MAP2K6: variants seen among roughly 807,000 people sequenced by gnomAD.
MAP2K6 encodes the protein dual specificity mitogen-activated protein kinase kinase 6.
MAP2K6 carries 16 observed loss-of-function variants against 53.7 expected under a neutral mutation model. That is an observed-to-expected ratio of 0.30 (90% CI 0.20 to 0.45). The LOEUF is 0.45. Ranked by LOEUF, MAP2K6 falls within the 20% of genes least tolerant of loss-of-function variation. MAP2K6 has a pLI of 1.00. For missense variants in MAP2K6, 204 were observed against 411.9 expected (o/e 0.50, Z 4.37); for synonymous variants, 132 against 143.1 (o/e 0.92, Z 0.55).
At chr17:69,483,176 A>G (rs939552795) in intron 1 of MAP2K6, among the ~76,000 whole-genome samples, 3 of 152,032 alleles carry the variant, frequency 2.0e-5, no homozygotes, top group Non-Finnish European at 2.9e-5. Context: ...GATAACACAA[A>G]CAGATCTCTG....
intron 1 of MAP2K6, among the ~76,000 whole-genome samples, chr17:69,500,030 C>A (rs921891260): frequency 2.0e-5 from 3 of 152,128 alleles, no homozygotes; most frequent in Non-Finnish European, 4.4e-5. Context: ...AGGTTGAGTT[C>A]TTGTCTGCAA....
At chr17:69,451,895 C>T (rs1236220412) in intron 1 of MAP2K6, among the ~76,000 whole-genome samples, 1 of 152,074 alleles carries the variant, frequency 6.6e-6, no homozygotes, top group African/African-American at 2.4e-5. Context: ...TGGTGGTGCA[C>T]TCCAGCATGC....
chr17:69,552,949 T>A lies in MAP2K6; in HGVS notation c.*11196T>A, dbSNP rs1203210448. The A allele has an allele frequency of 6.6e-6, 1 of 152,204 alleles. No individual in the cohort carries two copies. Among genetic ancestry groups the A allele is most frequent in the Non-Finnish European group, 1.5e-5 (1 of 68,028 alleles). 9.4% of individuals were successfully genotyped at this position (152,204 alleles called of 1,614,324 possible). Reference sequence around the variant, plus strand: ...CAGTATGCAGGACTTGCAGTAGATATAAGCATTGGTGTTAACATAGGTTAA... The same window carrying A: ...CAGTATGCAGGACTTGCAGTAGATAAAAGCATTGGTGTTAACATAGGTTAA... On this transcript the variant is annotated 3_prime_UTR_variant, in exon 12 of 12. Transcript: ENST00000590474.
In MAP2K6 at chr17:69,414,705, GT is replaced by G; in HGVS notation, c.-277del. The G allele has an allele frequency of 5.0e-6, 2 of 397,388 alleles. No homozygotes were observed. Among genetic ancestry groups the G allele is most frequent in the Non-Finnish European group, 9.2e-6 (2 of 218,052 alleles). The allele number at this position is 397,388 out of a possible 1,614,324, so 24.6% of individuals were successfully genotyped here. On this transcript the variant is annotated 5_prime_UTR_variant, in exon 1 of 12. Coordinates refer to ENST00000590474, the MANE Select transcript of MAP2K6 (RefSeq NM_002758.4). The stretch of plus-strand genomic sequence containing the variant: ...TGCGCACTAAGATACTCAGTTCCAA[GT>G]TTGGAGCTTTTAGCTGCCAGCCCTG...
rs1243317519 is a variant in MAP2K6 at position 69,542,000 on chromosome 17, T to A, written c.*247T>A. 1 of 253,942 alleles carries A rather than the reference T, an allele frequency of 3.9e-6. No homozygotes were observed. The highest frequency in any genetic ancestry group is 2.2e-5 in the African/African-American group (1 of 44,538). 15.7% of individuals were successfully genotyped at this position (253,942 alleles called of 1,614,324 possible). On this transcript the variant is annotated 3_prime_UTR_variant, in exon 12 of 12. Transcript: ENST00000590474. ...AGGACTTCAAAAGGTGATTAAATAT[T>A]TAATGATGTGTCATATGAGTCCTCA...
At chr17:69,415,343 G>A (rs1220349401) in intron 1 of MAP2K6, among the ~76,000 whole-genome samples, 1 of 152,176 alleles carries the variant, frequency 6.6e-6, no homozygotes, top group Non-Finnish European at 1.5e-5. Flanking sequence ...CACAGATATT[G>A]TAAGTAATTT....
chr17:69,521,243 GATAGCAAACCATATAAGTAGTATTCCTT>G, intron 7 of MAP2K6, 143 bp downstream of exon 7: 1 of 617,562 alleles, frequency 1.6e-6, no homozygotes, highest in Non-Finnish European at 2.9e-6. Flanking sequence ...TTTGAGATTG[GATAGCAAACCATATAAGTAGTATTCCTT>G]ATCATGGCTG....
At chr17:69,536,726 A>C (rs1337253543) in intron 11 of MAP2K6, among the ~76,000 whole-genome samples, 1 of 152,238 alleles carries the variant, frequency 6.6e-6, no homozygotes, top group Non-Finnish European at 1.5e-5. Flanking sequence ...AAAAAGCAAG[A>C]GTGAAGAAAG....
intron 1 of MAP2K6, among the ~76,000 whole-genome samples, chr17:69,470,904 C>A (rs1042080310): frequency 3.3e-5 from 5 of 152,124 alleles, no homozygotes; most frequent in Non-Finnish European, 7.3e-5. Context: ...CCCCACCTCC[C>A]AATGCACACT....
chr17:69,469,865 C>T (rs1037173011), intron 1 of MAP2K6, among the ~76,000 whole-genome samples: 5 of 152,102 alleles, frequency 3.3e-5, no homozygotes, highest in Admixed American at 2.6e-4. Flanking sequence ...AGAGCCACAT[C>T]ATGGTCGGTG....
intron 1 of MAP2K6, among the ~76,000 whole-genome samples, chr17:69,474,982 A>C (rs1908096193): frequency 6.6e-6 from 1 of 152,190 alleles, no homozygotes; most frequent in Non-Finnish European, 1.5e-5. Flanking sequence ...CTCTAGGAAT[A>C]AGCTCAGAGG....
rs1411350635 is a variant in MAP2K6, at chr17:69,536,169, T to G, written c.927+9T>G. On this transcript the variant is annotated intron_variant, in intron 11 of 11. Coordinates refer to ENST00000590474, the MANE Select transcript of MAP2K6 (RefSeq NM_002758.4). ...CATACCCAGAGCTAATGGTGAGTAT[T>G]GTTAGCAACGTAAACATGACTATAC... 1 of 1,608,930 alleles carries G rather than the reference T, an allele frequency of 6.2e-7. No homozygotes were observed. The highest frequency in any genetic ancestry group is 1.3e-5 in the African/African-American group (1 of 74,812).
At chr17:69,511,330 C>A (rs1323867707) in intron 2 of MAP2K6, among the ~76,000 whole-genome samples, 4 of 152,116 alleles carry the variant, frequency 2.6e-5, no homozygotes, top group Non-Finnish European at 5.9e-5. Context: ...AAGTAGCTCC[C>A]ACATTTTGTG....
At chr17:69,416,216 T>C (rs571894247) in intron 1 of MAP2K6, among the ~76,000 whole-genome samples, 1 of 152,304 alleles carries the variant, frequency 6.6e-6, no homozygotes, top group African/African-American at 2.4e-5. Context: ...GGGGAGTTGT[T>C]GCACCGCTTT....
intron 1 of MAP2K6, among the ~76,000 whole-genome samples, chr17:69,493,341 T>A (rs1908825818): frequency 6.6e-6 from 1 of 151,974 alleles, no homozygotes; most frequent in Non-Finnish European, 1.5e-5. Context: ...CAACACTAAC[T>A]ACAAAAGGGG....
intron 1 of MAP2K6, among the ~76,000 whole-genome samples, chr17:69,461,570 G>A (rs550050979): frequency 6.6e-6 from 1 of 152,138 alleles, no homozygotes; most frequent in Admixed American, 6.5e-5. Context: ...GCCTGACAGG[G>A]TTGTTTTTGT....
intron 1 of MAP2K6, among the ~76,000 whole-genome samples, chr17:69,479,800 CTCTCCTGGGTTCAAGCGAT>C (rs1908285139): frequency 6.6e-6 from 1 of 151,506 alleles, no homozygotes; most frequent in African/African-American, 2.4e-5. Context: ...TCACTGCAAC[CTCTCCTGGGTTCAAGCGAT>C]TCTCCTGCCT....
intron 1 of MAP2K6, among the ~76,000 whole-genome samples, chr17:69,438,976 G>A (rs1220096362): frequency 1.3e-5 from 2 of 152,252 alleles, no homozygotes; most frequent in African/African-American, 4.8e-5. Context: ...TATAAATAAA[G>A]TTTTATTGGA....
At chr17:69,486,573 A>G (rs1158034310) in intron 1 of MAP2K6, among the ~76,000 whole-genome samples, 1 of 152,182 alleles carries the variant, frequency 6.6e-6, no homozygotes, top group Non-Finnish European at 1.5e-5. Context: ...CCATTAAGGG[A>G]CTAAGAGCCC....
Sources: gnomAD v4.1 joint callset for allele counts (sites outside exome capture counted in the v4.1 genomes callset) on GRCh38, gnomAD v4.1.1 for gene constraint, MANE v1.5 for transcripts, NCBI Gene and HGNC (gene_info 2026-07-23, HGNC 2026-07-21) for gene names.